Variants in MMAA observed in about 807,000 individuals in gnomAD.
MMAA encodes the protein metabolism of cobalamin associated A.
A neutral mutation model predicts 45.0 loss-of-function variants in MMAA; 41 were observed. That is an observed-to-expected ratio of 0.91 (90% CI 0.71 to 1.18). MMAA has a LOEUF of 1.18. Ranked by LOEUF, MMAA falls within the 50% of genes most tolerant of loss-of-function variation. The pLI, the probability that MMAA is intolerant of heterozygous loss-of-function variation, is 0.00. For synonymous variants in MMAA, 154 were observed against 178.2 expected (o/e 0.86, Z 1.08); for missense variants, 460 against 495.7 (o/e 0.93, Z 0.68).
chr4:145,655,043 C>A, intron 6 of MMAA, 104 bp from the exon 7 acceptor site: 1 of 1,241,928 alleles, frequency 8.1e-7, no homozygotes, highest in Non-Finnish European at 1.2e-6. Flanking sequence ...TGTCAATTGC[C>A]TATTTTTGTA....
intron 6 of MMAA, 45 bp from the exon 7 acceptor site, chr4:145,655,102 T>C (rs768415423): frequency 6.2e-7 from 1 of 1,610,740 alleles, no homozygotes; most frequent in South Asian, 1.1e-5. Flanking sequence ...AAAAATTTTT[T>C]CTATCATTTT....
Position 145,658,364 on chromosome 4 carries a change from T to C in MMAA, c.*2930T>C, listed in dbSNP as rs1010993232. Reference sequence around the variant, plus strand: ...AGTTACAGTGTCCATCTTAAAAAGATAATTCTGAAAAAAATCTCATAGGTT... The same window carrying C: ...AGTTACAGTGTCCATCTTAAAAAGACAATTCTGAAAAAAATCTCATAGGTT... On this transcript the variant is annotated 3_prime_UTR_variant, in exon 7 of 7. Coordinates refer to ENST00000649156, the MANE Select transcript of MMAA (RefSeq NM_172250.3). The C allele has an allele frequency of 8.5e-5, 13 of 152,328 alleles. No homozygotes were observed. The highest frequency in any genetic ancestry group is 2.6e-4 in the African/African-American group (11 of 41,582). 9.4% of individuals were successfully genotyped at this position (152,328 alleles called of 1,614,324 possible).
intron 1 of MMAA, among the ~76,000 whole-genome samples, chr4:145,632,337 C>T (rs1465631615): frequency 6.6e-6 from 1 of 152,164 alleles, no homozygotes; most frequent in African/African-American, 2.4e-5. Flanking sequence ...CTCTCCTAGC[C>T]TATAAAGTTT....
Position 145,655,774 on chromosome 4 carries a change from T to C in MMAA, c.*340T>C, listed in dbSNP as rs530774368. 72 of 176,434 alleles carry C rather than the reference T, an allele frequency of 4.1e-4. No homozygotes were observed. The highest frequency in any genetic ancestry group is 1.6e-3 in the African/African-American group (68 of 42,098). 10.9% of individuals were successfully genotyped at this position (176,434 alleles called of 1,614,324 possible). A position where few individuals can be genotyped will look rare whatever the true frequency, so the allele number is the denominator to read the frequency against. Reference sequence around the variant, plus strand: ...TTAAAATGCTTATTTTGATTCCATATTATCTGAATTTCCAGAGAGGATGTA... The same window carrying C: ...TTAAAATGCTTATTTTGATTCCATACTATCTGAATTTCCAGAGAGGATGTA... On this transcript the variant is annotated 3_prime_UTR_variant, in exon 7 of 7. Transcript: ENST00000649156.
chr4:145,622,284 T>C (rs1229007992), intron 1 of MMAA, among the ~76,000 whole-genome samples: 1 of 152,214 alleles, frequency 6.6e-6, no homozygotes, highest in African/African-American at 2.4e-5. Context: ...CTTGCTGCCA[T>C]CCATGTAAGA....
intron 1 of MMAA, chr4:145,624,904 A>G (rs1041625947): frequency 4.5e-6 from 7 of 1,561,166 alleles, no homozygotes; most frequent in South Asian, 3.3e-5. Context: ...TTGGCCCCCA[A>G]GTGGTCATGC....
In MMAA at chr4:145,659,880, C is replaced by T. The variant is rs1057065808; in HGVS notation, c.*4446C>T. ...ACCTTACTGTTGCGAACCATAGTCA[C>T]CCTACTGTGCAATAGAACACCTGAA... On this transcript the variant is annotated 3_prime_UTR_variant, in exon 7 of 7. Transcript: ENST00000649156. The T allele has an allele frequency of 2.0e-5, 3 of 152,100 alleles. No homozygotes were observed. Among genetic ancestry groups the T allele is most frequent in the Admixed American group, 1.3e-4 (2 of 15,272 alleles). The allele number at this position is 152,100 out of a possible 1,614,324, so 9.4% of individuals were successfully genotyped here.
chr4:145,660,033 A>G lies in MMAA; in HGVS notation c.*4599A>G, dbSNP rs1728340991. 1 of 152,052 alleles carries G rather than the reference A, an allele frequency of 6.6e-6. No homozygotes were observed. The highest frequency in any genetic ancestry group is 1.5e-5 in the Non-Finnish European group (1 of 67,998). 9.4% of individuals were successfully genotyped at this position (152,052 alleles called of 1,614,324 possible). On this transcript the variant is annotated 3_prime_UTR_variant, in exon 7 of 7. Coordinates refer to ENST00000649156, the MANE Select transcript of MMAA (RefSeq NM_172250.3). Reference sequence around the variant, plus strand: ...TGAGATAAAACTTTTTTTGTCTTCCATATGAGTGGGATCATGTAGTATTTG... The same window carrying G: ...TGAGATAAAACTTTTTTTGTCTTCCGTATGAGTGGGATCATGTAGTATTTG...
intron 1 of MMAA, among the ~76,000 whole-genome samples, chr4:145,628,628 T>TTGTCAGC (rs1335076580): frequency 6.6e-6 from 1 of 152,220 alleles, no homozygotes; most frequent in Non-Finnish European, 1.5e-5. Flanking sequence ...TCTTTTTACC[T>TTGTCAGC]TGTCAGCTGA....
intron 3 of MMAA, among the ~76,000 whole-genome samples, 155 bp from the exon 4 acceptor site, chr4:145,645,831 A>AAC: frequency 6.6e-6 from 1 of 152,208 alleles, no homozygotes; most frequent in South Asian, 2.1e-4. Context: ...TTAATCTGAC[A>AAC]TCATTGTATA....
At chr4:145,625,321 A>G (rs760843212) in intron 1 of MMAA, 1 of 714,544 alleles carries the variant, frequency 1.4e-6, no homozygotes, top group Non-Finnish European at 2.6e-6. Context: ...CTCTGGAAGA[A>G]GTCTGTCTAT....
At chr4:145,640,967 T>C (rs144297852) in intron 2 of MMAA, among the ~76,000 whole-genome samples, 74 of 152,280 alleles carry the variant, frequency 4.9e-4, no homozygotes, top group Non-Finnish European at 8.7e-4. Context: ...CATTACACCT[T>C]TGTCTCACAG....
intron 4 of MMAA, among the ~76,000 whole-genome samples, chr4:145,649,944 T>G (rs1728043855): frequency 6.6e-6 from 1 of 152,118 alleles, no homozygotes; most frequent in African/African-American, 2.4e-5. Flanking sequence ...CCCAGCTAAT[T>G]TTTGTATTTT....
rs949805422 is a variant in MMAA at position 145,655,153 on chromosome 4, C to T, written c.976C>T (p.Arg326Cys). The change falls in exon 7 of 7, where the codon CGT becomes TGT. Residue 326 changes from arginine to cysteine, a missense_variant. Physicochemically the swap from Arg to Cys is radical, Grantham distance 180. Transcript: ENST00000649156. ...RSQVWKPKVI[R>C]ISARSGEGIS... is the part of the protein sequence containing the mutation. ...GTTCTTCCCTTTTCGATAGGTAATTCGTATTTCTGCCCGAAGTGGAGAGGG... is the reference window on the plus strand; with the variant it reads ...GTTCTTCCCTTTTCGATAGGTAATTTGTATTTCTGCCCGAAGTGGAGAGGG... The T allele has an allele frequency of 2.1e-5, 34 of 1,613,774 alleles. No individual in the cohort carries two copies. Among genetic ancestry groups the T allele is most frequent in the Admixed American group, 3.3e-5 (2 of 59,994 alleles).
In MMAA at chr4:145,658,451, G is replaced by A. The variant is rs1728293906; in HGVS notation, c.*3017G>A. ...TCTGTAGATAGGAAAAAAATGTGCT[G>A]AGCTCCAAAACTGACAGACATTTTG... On this transcript the variant is annotated 3_prime_UTR_variant, in exon 7 of 7. Transcript: ENST00000649156. 1 of 152,072 alleles carries A rather than the reference G, an allele frequency of 6.6e-6. No homozygotes were observed. The highest frequency in any genetic ancestry group is 2.4e-5 in the African/African-American group (1 of 41,414). The allele number at this position is 152,072 out of a possible 1,614,324, so 9.4% of individuals were successfully genotyped here. A position where few individuals can be genotyped will look rare whatever the true frequency, so the allele number is the denominator to read the frequency against.
intron 5 of MMAA, among the ~76,000 whole-genome samples, chr4:145,653,349 A>G (rs1233460823): frequency 6.6e-6 from 1 of 152,226 alleles, no homozygotes; most frequent in African/African-American, 2.4e-5. Flanking sequence ...ATCTGTATTT[A>G]CTAAATAAGG....
At chr4:145,624,657 T>C in intron 1 of MMAA, 1 of 1,451,244 alleles carries the variant, frequency 6.9e-7, no homozygotes, top group Non-Finnish European at 9.5e-7. Context: ...ATTCAGGGAA[T>C]CTTTATGTTT....
intron 5 of MMAA, among the ~76,000 whole-genome samples, chr4:145,652,467 G>T (rs1019108718): frequency 6.6e-6 from 1 of 152,148 alleles, no homozygotes; most frequent in Admixed American, 6.5e-5. Context: ...AGTGGCTCAC[G>T]CATGTAATCC....
intron 4 of MMAA, among the ~76,000 whole-genome samples, chr4:145,648,819 T>C (rs2126625438): frequency 6.6e-6 from 1 of 151,974 alleles, no homozygotes; most frequent in African/African-American, 2.4e-5. Flanking sequence ...ACCCCGTCTC[T>C]ACAGAAAAAT....
Sources: gnomAD v4.1 joint callset for allele counts (sites outside exome capture counted in the v4.1 genomes callset) on GRCh38, gnomAD v4.1.1 for gene constraint, MANE v1.5 for transcripts, NCBI Gene and HGNC (gene_info 2026-07-23, HGNC 2026-07-21) for gene names.